Variants in ERGIC1 observed in about 807,000 individuals in gnomAD.
ERGIC1 encodes the protein endoplasmic reticulum-Golgi intermediate compartment protein 1.
A neutral mutation model predicts 38.3 loss-of-function variants in ERGIC1; 19 were observed. The observed-to-expected ratio is 0.50, with a 90% CI of 0.35 to 0.73. The LOEUF (loss-of-function observed/expected upper bound fraction) is 0.73. ERGIC1 is among the 30% of genes least tolerant of loss of function. ERGIC1 has a pLI of 0.01. For missense variants in ERGIC1, 294 were observed against 389.2 expected, an observed-to-expected ratio of 0.76 and a Z score of 2.06; for synonymous variants, 124 against 157.6, an observed-to-expected ratio of 0.79 and a Z score of 1.60.
chr5:172,909,239 G>C (rs976569445), intron 3 of ERGIC1, among the ~76,000 whole-genome samples: 1 of 146,618 alleles, frequency 6.8e-6, no homozygotes, highest in Non-Finnish European at 1.5e-5. Flanking sequence ...GCGCAATCTC[G>C]GCTCACTGCA....
At chr5:172,892,524 T>G (rs1042920946) in intron 2 of ERGIC1, among the ~76,000 whole-genome samples, 2 of 152,166 alleles carry the variant, frequency 1.3e-5, no homozygotes, top group East Asian at 1.9e-4. Context: ...TCAGGTCCAG[T>G]GCCCCCTTTG....
chr5:172,835,371 C>T (rs746766500), intron 1 of ERGIC1, among the ~76,000 whole-genome samples: 2 of 152,178 alleles, frequency 1.3e-5, no homozygotes, highest in Non-Finnish European at 2.9e-5. Flanking sequence ...TGTCGCCGCT[C>T]GGCTGGCTGA....
At chr5:172,855,650 G>A (rs1761530086) in intron 1 of ERGIC1, among the ~76,000 whole-genome samples, 2 of 152,246 alleles carry the variant, frequency 1.3e-5, no homozygotes, top group South Asian at 4.1e-4. Flanking sequence ...TCAACTCAAG[G>A]CCTTAGTGAG....
intron 1 of ERGIC1, among the ~76,000 whole-genome samples, chr5:172,877,870 G>A (rs992860220): frequency 6.6e-6 from 1 of 152,154 alleles, no homozygotes; most frequent in Non-Finnish European, 1.5e-5. Flanking sequence ...ACCCACAGGA[G>A]ATTCAAGGAC....
At chr5:172,898,998 C>T (rs1762803375) in intron 3 of ERGIC1, among the ~76,000 whole-genome samples, 1 of 152,130 alleles carries the variant, frequency 6.6e-6, no homozygotes, top group Non-Finnish European at 1.5e-5. Flanking sequence ...CCACTGGCCT[C>T]TGCAGGCTGT....
intron 1 of ERGIC1, among the ~76,000 whole-genome samples, chr5:172,843,248 A>G (rs1488954930): frequency 6.6e-6 from 1 of 152,140 alleles, no homozygotes; most frequent in African/African-American, 2.4e-5. Context: ...ATGGTTTGCA[A>G]ATGTTTTCTT....
chr5:172,924,280 G>A (rs1763600228), intron 6 of ERGIC1, among the ~76,000 whole-genome samples, 171 bp downstream of exon 6: 1 of 152,214 alleles, frequency 6.6e-6, no homozygotes, highest in Non-Finnish European at 1.5e-5. Flanking sequence ...AGGGAAATGG[G>A]TCCTAGGCAG....
At chr5:172,869,203 AAGG>A (rs1342065247) in intron 1 of ERGIC1, among the ~76,000 whole-genome samples, 1 of 152,094 alleles carries the variant, frequency 6.6e-6, no homozygotes, top group African/African-American at 2.4e-5. Flanking sequence ...GGGGAGGAGG[AAGG>A]AGGAGGTGAG....
In ERGIC1 at chr5:172,846,721, A is replaced by G. The variant is rs1183876614; in HGVS notation, c.20+12288A>G. Among the ~76,000 whole-genome samples, 2 of 152,106 alleles carry G rather than the reference A, an allele frequency of 1.3e-5. No individual in the cohort carries two copies. The highest frequency in any genetic ancestry group is 4.8e-5 in the African/African-American group (2 of 41,402). ...TTTTAAGAGGTGAGCATGAGACTTGACCCAGAGTCTTTTAAGTCCCTTACA... is the reference window on the plus strand; with the variant it reads ...TTTTAAGAGGTGAGCATGAGACTTGGCCCAGAGTCTTTTAAGTCCCTTACA... On this transcript the variant is annotated intron_variant, in intron 1 of 9. Coordinates refer to ENST00000393784, the MANE Select transcript of ERGIC1 (RefSeq NM_001031711.3). The surrounding 1 kb of genome is among the most constrained non-coding windows in gnomAD (Gnocchi z 4.0).
chr5:172,935,136 G>A (rs376329857), intron 8 of ERGIC1, 52 bp from the exon 9 acceptor site: 63 of 1,611,178 alleles, frequency 3.9e-5, no homozygotes, highest in Middle Eastern at 1.6e-4. Flanking sequence ...TCCAGTCCCC[G>A]CCCCCCCTGA....
chr5:172,943,298 A>G, intron 9 of ERGIC1, among the ~76,000 whole-genome samples: 1 of 151,946 alleles, frequency 6.6e-6, no homozygotes, highest in East Asian at 1.9e-4. Flanking sequence ...GCCTCTCCCC[A>G]GGCCCCCGGA....
At chr5:172,895,289 C>A (rs1762694455) in intron 2 of ERGIC1, among the ~76,000 whole-genome samples, 1 of 152,152 alleles carries the variant, frequency 6.6e-6, no homozygotes, top group Non-Finnish European at 1.5e-5. Flanking sequence ...CTCAGAGAAG[C>A]CCTATAAGGC....
intron 2 of ERGIC1, among the ~76,000 whole-genome samples, chr5:172,893,954 T>TG (rs1762650388): frequency 8.1e-6 from 1 of 124,106 alleles, no homozygotes; most frequent in African/African-American, 3.1e-5. Context: ...TATATATATA[T>TG]TTAAATGTCC....
intron 4 of ERGIC1, among the ~76,000 whole-genome samples, chr5:172,911,900 G>A (rs10056633): frequency 8.0e-4 from 122 of 152,058 alleles, no homozygotes; most frequent in African/African-American, 2.6e-3. Context: ...GTCCCAGCAT[G>A]CCATCTTCCC....
rs375121567 is a variant in ERGIC1, at chr5:172,912,410, CAG to C, written c.251-2301_251-2300del. Reference sequence around the variant, plus strand: ...AATGGTGTTTTGTTTTGTTTTGAGACAGAGTCTCACACTGTCACCCAGGCTGG... The same window carrying C: ...AATGGTGTTTTGTTTTGTTTTGAGACAGTCTCACACTGTCACCCAGGCTGG... On this transcript the variant is annotated intron_variant, in intron 4 of 9. Transcript: ENST00000393784. Among the ~76,000 whole-genome samples, 517 of 152,364 alleles carry C rather than the reference CAG, an allele frequency of 3.4e-3. 1 individual carries two copies. The highest frequency in any genetic ancestry group is 4.7e-3 in the African/African-American group (195 of 41,586).
At chr5:172,845,226 C>T (rs1761258538) in intron 1 of ERGIC1, among the ~76,000 whole-genome samples, 1 of 152,172 alleles carries the variant, frequency 6.6e-6, no homozygotes, top group South Asian at 2.1e-4. Context: ...GCTGTGTTTA[C>T]AGTCTGTTGC....
chr5:172,878,297 A>C (rs2113207233), intron 1 of ERGIC1, among the ~76,000 whole-genome samples: 1 of 152,306 alleles, frequency 6.6e-6, no homozygotes, highest in East Asian at 1.9e-4. Context: ...CAGATTTCTC[A>C]TAAATCCAGG....
At chr5:172,941,276 T>G (rs1764007215) in intron 9 of ERGIC1, among the ~76,000 whole-genome samples, 1 of 152,130 alleles carries the variant, frequency 6.6e-6, no homozygotes, top group Non-Finnish European at 1.5e-5. Context: ...GTGATCATAT[T>G]TTCCCTAGCC....
intron 2 of ERGIC1, 138 bp downstream of exon 2, chr5:172,888,898 G>T: frequency 1.2e-6 from 1 of 808,662 alleles, no homozygotes; most frequent in Admixed American, 2.0e-5. Flanking sequence ...ATCTTGCGGG[G>T]GCCCTTCAAG....
Sources: gnomAD v4.1 joint callset for allele counts (sites outside exome capture counted in the v4.1 genomes callset) on GRCh38, gnomAD v4.1.1 for gene constraint, Gnocchi (gnomAD v3.1) non-coding constraint, MANE v1.5 for transcripts, NCBI Gene and HGNC (gene_info 2026-07-23, HGNC 2026-07-21) for gene names.